ABCA12: variants seen among roughly 807,000 people sequenced by gnomAD.
ABCA12 encodes the protein ATP binding cassette subfamily A member 12.
In ABCA12, 156 loss-of-function variants were observed where a neutral mutation model predicts 293.5. The ratio of observed to expected loss-of-function variants is 0.53; its 90% CI spans 0.47 to 0.61. The LOEUF is 0.61. Ranked by LOEUF, ABCA12 falls within the 20% of genes least tolerant of loss-of-function variation. The probability of loss-of-function intolerance (pLI) is 0.00; values close to 1 mark genes in which losing one functional copy is unlikely to be tolerated. For synonymous variants in ABCA12, 1,063 were observed against 1,108.0 expected, an observed-to-expected ratio of 0.96 and a Z score of 0.81; for missense variants, 2,797 against 3,090.2, an observed-to-expected ratio of 0.91 and a Z score of 2.25.
chr2:214,977,438 A>G (rs1487761423), intron 33 of ABCA12, among the ~76,000 whole-genome samples: 2 of 152,204 alleles, frequency 1.3e-5, no homozygotes, highest in Non-Finnish European at 2.9e-5. Context: ...TACAAACATC[A>G]GAGATTATCT....
chr2:215,019,803 A>C lies in ABCA12; in HGVS notation c.1288-7T>G. On this transcript the variant is annotated splice_polypyrimidine_tract_variant and splice_region_variant and intron_variant, in intron 11 of 52. Transcript: ENST00000272895. ...AGTTTCGAAGTTGAGACAGCTTTCC[A>C]AAAAGGGAAAAGAGTGGGAAATAGA... The C allele has an allele frequency of 6.2e-7, 1 of 1,609,160 alleles. No homozygotes were observed. The highest frequency in any genetic ancestry group is 1.1e-5 in the South Asian group (1 of 91,040).
chr2:215,000,115 A>G (rs971127983), intron 22 of ABCA12, among the ~76,000 whole-genome samples: 5 of 152,230 alleles, frequency 3.3e-5, no homozygotes, highest in Non-Finnish European at 7.3e-5. Context: ...TGAATTGTCT[A>G]AAAGCATTAT....
At chr2:215,125,071 A>C (rs1702893944) in intron 1 of ABCA12, among the ~76,000 whole-genome samples, 1 of 151,806 alleles carries the variant, frequency 6.6e-6, no homozygotes, top group Non-Finnish European at 1.5e-5. Flanking sequence ...TCCTTTCCCC[A>C]CTTTATGATT....
chr2:215,063,373 G>T (rs1575019348), intron 3 of ABCA12, among the ~76,000 whole-genome samples: 1 of 151,942 alleles, frequency 6.6e-6, no homozygotes, highest in Non-Finnish European at 1.5e-5. Flanking sequence ...ATTAGCGCAT[G>T]GTTGATTCAA....
In ABCA12 at chr2:215,084,386, G is replaced by A. The variant is rs78370557; in HGVS notation, c.164-20167C>T. Among the ~76,000 whole-genome samples, 1,161 of 152,216 alleles carry A rather than the reference G, an allele frequency of 7.6e-3. 8 individuals carry two copies. Among genetic ancestry groups the A allele is most frequent in the African/African-American group, 0.026 (1,086 of 41,524 alleles). ...GTGCAAATAACCCTTTATTTATCAA[G>A]TGGCAATCTGAGTCACAACAGTTGA... On this transcript the variant is annotated intron_variant, in intron 2 of 52. Transcript: ENST00000272895.
intron 33 of ABCA12, among the ~76,000 whole-genome samples, chr2:214,977,177 A>C (rs1006351980): frequency 6.6e-6 from 1 of 152,350 alleles, no homozygotes; most frequent in Admixed American, 6.5e-5. Flanking sequence ...TATGTGGATG[A>C]CTTACAGGTG....
chr2:215,076,576 T>C (rs1701838856), intron 2 of ABCA12, among the ~76,000 whole-genome samples: 2 of 152,152 alleles, frequency 1.3e-5, no homozygotes, highest in South Asian at 4.2e-4. Flanking sequence ...AGTAAATTGA[T>C]AAAGCTAGTA....
chr2:215,044,483 A>T (rs1198375304), intron 7 of ABCA12: 1 of 152,202 alleles, frequency 6.6e-6, no homozygotes, highest in Non-Finnish European at 1.5e-5. Flanking sequence ...GACAGAAAAT[A>T]AATAGGAGGA....
chr2:214,962,024 T>C (rs1407073829), intron 39 of ABCA12: 1 of 152,204 alleles, frequency 6.6e-6, no homozygotes. Flanking sequence ...TCCTACTTAA[T>C]AGACTATTAG....
At chr2:215,017,796 A>T in intron 14 of ABCA12, 1 of 606,540 alleles carries the variant, frequency 1.6e-6, no homozygotes, top group Non-Finnish European at 2.8e-6. Flanking sequence ...GGACAAGGAA[A>T]AATAAAGAGA....
At chr2:214,936,198 G>A (rs942723935) in intron 51 of ABCA12, among the ~76,000 whole-genome samples, 1 of 152,146 alleles carries the variant, frequency 6.6e-6, no homozygotes, top group Admixed American at 6.6e-5. Flanking sequence ...TGTACCACCC[G>A]ATCTGGCATG....
At chr2:215,091,411 G>A (rs895274025) in intron 2 of ABCA12, among the ~76,000 whole-genome samples, 8 of 152,128 alleles carry the variant, frequency 5.3e-5, no homozygotes, top group African/African-American at 1.4e-4. Context: ...AGCTGTAGGC[G>A]TAGTCAAGGT....
intron 46 of ABCA12, 37 bp downstream of exon 46, chr2:214,949,003 G>A (rs1483194882): frequency 6.6e-7 from 1 of 1,505,552 alleles, no homozygotes; most frequent in East Asian, 2.3e-5. Context: ...ATTTAAGTAT[G>A]TTGTACTCGC....
At chr2:215,137,974 T>C (rs940268553) in intron 1 of ABCA12, among the ~76,000 whole-genome samples, 166 bp downstream of exon 1, 1 of 152,154 alleles carries the variant, frequency 6.6e-6, no homozygotes, top group Non-Finnish European at 1.5e-5. Context: ...TAAGACTCGC[T>C]CCATTAGCTA....
At chr2:214,991,126 T>C (rs1699903900) in intron 23 of ABCA12, 95 bp from the exon 24 acceptor site, 1 of 1,119,964 alleles carries the variant, frequency 8.9e-7, no homozygotes, top group South Asian at 1.3e-5. Context: ...TGATAGTCTC[T>C]CTGTATATGG....
At chr2:214,949,474 C>T (rs1312543608) in intron 45 of ABCA12, among the ~76,000 whole-genome samples, 2 of 151,672 alleles carry the variant, frequency 1.3e-5, no homozygotes, top group Admixed American at 1.3e-4. Flanking sequence ...CAAATAAGAT[C>T]TGCTAACCCA....
chr2:215,136,050 C>G (rs531226550), intron 1 of ABCA12, among the ~76,000 whole-genome samples: 3 of 152,160 alleles, frequency 2.0e-5, no homozygotes, highest in African/African-American at 7.2e-5. Context: ...CTGTATTGTC[C>G]CAAATTTTGG....
At chr2:215,032,383 A>G (rs1700898018) in intron 8 of ABCA12, 1 of 194,790 alleles carries the variant, frequency 5.1e-6, no homozygotes, top group Admixed American at 5.4e-5. Flanking sequence ...AGCAGCCACT[A>G]ATCTCAATTG....
At chr2:215,080,922 C>A (rs1254348434) in intron 2 of ABCA12, 1 of 152,262 alleles carries the variant, frequency 6.6e-6, no homozygotes, top group Admixed American at 6.5e-5. Flanking sequence ...CTTTCCTCCC[C>A]CTCAGAACCA....
Sources: allele counts gnomAD v4.1 joint callset (sites outside exome capture counted in the v4.1 genomes callset), GRCh38; gene constraint gnomAD v4.1.1; transcripts MANE v1.5; gene names NCBI Gene and HGNC (gene_info 2026-07-23, HGNC 2026-07-21).